The following EEA1 variants were observed in gnomAD, a reference collection of about 807,000 sequenced individuals.
EEA1 encodes early endosome antigen 1, 162kD.
In EEA1, 111 loss-of-function variants were observed where a neutral mutation model predicts 209.2. That is an observed-to-expected ratio of 0.53 (90% CI 0.45 to 0.62). The LOEUF is 0.62. Ranked by LOEUF, EEA1 falls within the 20% of genes least tolerant of loss-of-function variation. EEA1 has a pLI of 0.00. For missense variants in EEA1, 1,343 were observed against 1,530.8 expected, an observed-to-expected ratio of 0.88 and a Z score of 2.05; for synonymous variants, 536 against 540.6, an observed-to-expected ratio of 0.99 and a Z score of 0.12.
intron 3 of EEA1, among the ~76,000 whole-genome samples, chr12:92,862,949 A>G (rs1878216668): frequency 6.6e-6 from 1 of 152,212 alleles, no homozygotes; most frequent in African/African-American, 2.4e-5. Flanking sequence ...CAAAATGTCA[A>G]TGATGAGGTG....
intron 1 of EEA1, among the ~76,000 whole-genome samples, chr12:92,918,913 T>C (rs1238899779): frequency 1.4e-5 from 2 of 142,554 alleles, no homozygotes; most frequent in Admixed American, 6.9e-5. Flanking sequence ...ATAAAGGGGA[T>C]ATCACCACCG....
chr12:92,794,911 T>C (rs1290736629), intron 21 of EEA1, among the ~76,000 whole-genome samples: 4 of 151,988 alleles, frequency 2.6e-5, no homozygotes, highest in African/African-American at 9.7e-5. Context: ...CCCCAATAAA[T>C]GGCATTACCA....
At chr12:92,836,948 C>T (rs1401421598) in intron 10 of EEA1, among the ~76,000 whole-genome samples, 3 of 151,970 alleles carry the variant, frequency 2.0e-5, no homozygotes, top group African/African-American at 7.2e-5. Flanking sequence ...TGGTGAAACC[C>T]CGTCTCTACT....
intron 1 of EEA1, among the ~76,000 whole-genome samples, chr12:92,895,069 C>A (rs966108551): frequency 1.8e-4 from 28 of 151,430 alleles, no homozygotes; most frequent in Non-Finnish European, 4.0e-4. Flanking sequence ...TGCTACTCTG[C>A]GCTCTATACA....
intron 1 of EEA1, among the ~76,000 whole-genome samples, chr12:92,904,006 A>C (rs1282236259): frequency 1.3e-5 from 2 of 151,256 alleles, no homozygotes; most frequent in African/African-American, 4.9e-5. Flanking sequence ...CTTGCTGCCC[A>C]GACTGGAGTG....
chr12:92,776,659 G>C (rs1340597947), intron 28 of EEA1, among the ~76,000 whole-genome samples, 185 bp downstream of exon 28: 1 of 151,866 alleles, frequency 6.6e-6, no homozygotes, highest in Admixed American at 6.6e-5. Flanking sequence ...GAATTTAAAA[G>C]TAAAATTCAA....
chr12:92,917,699 T>A, intron 1 of EEA1, among the ~76,000 whole-genome samples: 2 of 138,652 alleles, frequency 1.4e-5, no homozygotes, highest in Admixed American at 7.3e-5. Context: ...ACGAGCAAAA[T>A]CACCAGCTAA....
intron 21 of EEA1, among the ~76,000 whole-genome samples, chr12:92,788,933 A>T (rs1200659056): frequency 6.6e-6 from 1 of 152,148 alleles, no homozygotes; most frequent in Non-Finnish European, 1.5e-5. Flanking sequence ...TACTTCTGTG[A>T]ATGTTGAGAC....
chr12:92,824,666 CAA>C (rs1236703315), intron 13 of EEA1, among the ~76,000 whole-genome samples: 9 of 152,276 alleles, frequency 5.9e-5, no homozygotes, highest in African/African-American at 2.2e-4. Context: ...TTCATCTTTT[CAA>C]AGAGGCCTAA....
At chr12:92,792,009 G>C (rs1055515683) in intron 21 of EEA1, among the ~76,000 whole-genome samples, 1 of 152,140 alleles carries the variant, frequency 6.6e-6, no homozygotes, top group African/African-American at 2.4e-5. Context: ...TGAACAACTT[G>C]CTCCTGAATG....
At chr12:92,858,378 G>C in intron 3 of EEA1, 1 of 1,034,578 alleles carries the variant, frequency 9.7e-7, no homozygotes, top group Non-Finnish European at 1.5e-6. Flanking sequence ...CAAAGGGTTT[G>C]ACTACAAGAC....
At position 92,779,134 on chromosome 12, in the gene EEA1, A is replaced by G; in HGVS notation, c.3635T>C (p.Ile1212Thr). ...ACTGACCAACTTAGCTTCTTTCTCA[A>G]TAAATTCTTTCTTCAGCTCCTCTTC... is the stretch of plus-strand genomic sequence containing the variant. ...KEEEELKKEF[I>T]EKEAKLHSEI... is the part of the protein sequence containing the mutation. The change falls in exon 25 of 29, where the codon ATT becomes ACT. Residue 1212 changes from isoleucine (I) to threonine (T), a missense_variant. Physicochemically the swap from Ile to Thr is moderately conservative, Grantham distance 89. Coordinates refer to ENST00000322349, the MANE Select transcript of EEA1 (RefSeq NM_003566.4). The G allele has an allele frequency of 6.2e-7, 1 of 1,601,658 alleles. No homozygotes were observed. The highest frequency in any genetic ancestry group is 8.5e-7 in the Non-Finnish European group (1 of 1,177,142).
chr12:92,927,353 T>C (rs548393936), intron 1 of EEA1, among the ~76,000 whole-genome samples: 2 of 152,360 alleles, frequency 1.3e-5, no homozygotes, highest in South Asian at 2.1e-4. Context: ...AACTGACTTA[T>C]TCAGAAGTGA....
intron 3 of EEA1, among the ~76,000 whole-genome samples, chr12:92,863,896 T>C (rs1878256338): frequency 6.6e-6 from 1 of 152,234 alleles, no homozygotes; most frequent in South Asian, 2.1e-4. Flanking sequence ...TAATTCATAG[T>C]TGAAACACAA....
intron 17 of EEA1, among the ~76,000 whole-genome samples, chr12:92,811,027 A>C (rs1406679002): frequency 2.0e-5 from 3 of 152,130 alleles, no homozygotes; most frequent in Non-Finnish European, 4.4e-5. Flanking sequence ...CTTTGGAAAA[A>C]GTAACACATT....
At position 92,884,359 on chromosome 12, in the gene EEA1, T is replaced by G. The variant is rs1165102105; in HGVS notation, c.117+7270A>C. On this transcript the variant is annotated intron_variant, in intron 2 of 28. Coordinates refer to ENST00000322349, the MANE Select transcript of EEA1 (RefSeq NM_003566.4). Reference sequence around the variant, plus strand: ...CTTTATCCAGCCAAAGAGGCTGAAGTGGTTCTAGAAACTTTGGCGGTGGTC... The same window carrying G: ...CTTTATCCAGCCAAAGAGGCTGAAGGGGTTCTAGAAACTTTGGCGGTGGTC... 9.6e-6 allele frequency: 12 copies of G among 1,246,072 alleles called. No individual in the cohort carries two copies. The Admixed American group carries it at 1.0e-4, about 10-fold the overall frequency. 77.2% of individuals were successfully genotyped at this position (1,246,072 alleles called of 1,614,324 possible).
intron 1 of EEA1, among the ~76,000 whole-genome samples, chr12:92,901,571 G>GTTT (rs976641481): frequency 1.3e-4 from 18 of 143,026 alleles, no homozygotes; most frequent in African/African-American, 4.3e-4. Context: ...AGAACTTCTT[G>GTTT]TTTTTTTTTT....
At chr12:92,825,029 A>G (rs180943859) in intron 13 of EEA1, among the ~76,000 whole-genome samples, 1 of 152,358 alleles carries the variant, frequency 6.6e-6, no homozygotes, top group East Asian at 1.9e-4. Context: ...TGCCTCCCTC[A>G]AACTGCAATA....
intron 14 of EEA1, among the ~76,000 whole-genome samples, chr12:92,818,909 C>A (rs903021525): frequency 3.3e-5 from 5 of 152,138 alleles, no homozygotes; most frequent in Admixed American, 2.6e-4. Context: ...TTAATCAATA[C>A]ACAGTAAAAA....
Sources: allele counts gnomAD v4.1 joint callset (sites outside exome capture counted in the v4.1 genomes callset), GRCh38; gene constraint gnomAD v4.1.1; transcripts MANE v1.5; gene names NCBI Gene and HGNC (gene_info 2026-07-23, HGNC 2026-07-21).